The following CSF1 variants were observed in gnomAD, a reference collection of about 807,000 sequenced individuals.
The protein encoded by CSF1 is macrophage colony-stimulating factor 1.
A neutral mutation model predicts 48.9 loss-of-function variants in CSF1; 9 were observed. The observed-to-expected ratio is 0.18, with a 90% CI of 0.11 to 0.32. CSF1 has a LOEUF of 0.32. Among genes scored for constraint, CSF1 ranks in the 10% least tolerant of loss-of-function variants. The probability of loss-of-function intolerance (pLI) is 1.00; values close to 1 mark genes in which losing one functional copy is unlikely to be tolerated. For synonymous variants in CSF1, 305 were observed against 284.1 expected (o/e 1.07, Z -0.74); for missense variants, 672 against 697.9 (o/e 0.96, Z 0.42).
intron 3 of CSF1, among the ~76,000 whole-genome samples, chr1:109,917,036 C>T (rs1025638287): frequency 3.9e-5 from 6 of 152,124 alleles, no homozygotes; most frequent in Non-Finnish European, 7.4e-5. Flanking sequence ...TGATTAAAGC[C>T]TCATATTCCA....
chr1:109,914,144 G>A (rs939788303), intron 1 of CSF1, 115 bp from the exon 2 acceptor site: 7 of 1,160,224 alleles, frequency 6.0e-6, no homozygotes, highest in Non-Finnish European at 8.2e-6. Context: ...CTGAGGTAAG[G>A]GGCAGAGCCT....
rs1187588113 is a variant in CSF1, at chr1:109,923,723, C to A, written c.1102C>A (p.Pro368Thr). ...GGCAGATGTAACTGGTACCGCCTTG[C>A]CCAGGGTGGGCCCCGTGAGGCCCAC... ...QPADVTGTALPRVGPVRPTGQ... is the reference protein window; with the variant it reads ...QPADVTGTALTRVGPVRPTGQ... The change falls in exon 6 of 9, where the codon CCC becomes ACC. Residue 368 changes from proline to threonine, a missense_variant. Physicochemically the swap from Pro to Thr is conservative, Grantham distance 38. This residue lies in a region of CSF1 where 591 missense variants were observed against 593.6 expected (regional missense o/e 1.00). Coordinates refer to ENST00000329608, the MANE Select transcript of CSF1 (RefSeq NM_000757.6). 3.1e-6 allele frequency: 5 copies of A among 1,612,262 alleles called. No individual in the cohort carries two copies. Among genetic ancestry groups the A allele is most frequent in the Non-Finnish European group, 4.2e-6 (5 of 1,179,014 alleles).
At chr1:109,918,208 G>A (rs1553180921) in intron 4 of CSF1, among the ~76,000 whole-genome samples, 1 of 152,200 alleles carries the variant, frequency 6.6e-6, no homozygotes, top group Non-Finnish European at 1.5e-5. Context: ...TATGCACAAA[G>A]CCCTAAGGTA....
At chr1:109,920,705 T>TAAACATGA (rs1647492252) in intron 4 of CSF1, among the ~76,000 whole-genome samples, 1 of 152,188 alleles carries the variant, frequency 6.6e-6, no homozygotes, top group Non-Finnish European at 1.5e-5. Context: ...GAAAAGCCCA[T>TAAACATGA]GTTTCTTCCC....
intron 8 of CSF1, among the ~76,000 whole-genome samples, 199 bp downstream of exon 8, chr1:109,925,401 A>T (rs549229173): frequency 6.6e-6 from 1 of 151,428 alleles, no homozygotes; most frequent in South Asian, 2.1e-4. Context: ...CTGCCCCTCC[A>T]TTCCATCCAC....
intron 6 of CSF1, 83 bp from the exon 7 acceptor site, chr1:109,924,693 C>G (rs921479617): frequency 8.0e-7 from 1 of 1,244,992 alleles, no homozygotes. Context: ...TCATAAATAC[C>G]TGGGGCAGCC....
At position 109,923,887 on chromosome 1, in the gene CSF1, G is replaced by A; in HGVS notation, c.1266G>A (p.Gln422=). 6.2e-7 allele frequency: 1 copy of A among 1,614,100 alleles called. No homozygotes were observed. Among genetic ancestry groups the A allele is most frequent in the Non-Finnish European group, 8.5e-7 (1 of 1,179,934 alleles). ...GLSNPSTLSA[Q]PQLSRSHSSG... ...GCAACCCCTCCACCCTCTCTGCTCA[G>A]CCACAGCTTTCCAGAAGCCACTCCT... The change falls in exon 6 of 9, where the codon CAG becomes CAA. Residue 422 remains glutamine, a synonymous_variant. Transcript: ENST00000329608.
chr1:109,919,625 C>T (rs1257566178), intron 4 of CSF1, among the ~76,000 whole-genome samples: 2 of 152,078 alleles, frequency 1.3e-5, no homozygotes, highest in East Asian at 3.9e-4. Context: ...AATGCATATT[C>T]CTAGGACACA....
chr1:109,921,789 G>A, intron 4 of CSF1, 58 bp from the exon 5 acceptor site: 1 of 1,474,090 alleles, frequency 6.8e-7, no homozygotes, highest in South Asian at 1.5e-5. Context: ...TGACAAATAA[G>A]ATGGAGACAT....
rs1333392202 is a variant in CSF1, at chr1:109,910,945, G to A, written c.-79G>A. The A allele has an allele frequency of 2.8e-6, 3 of 1,071,444 alleles. No individual in the cohort carries two copies. Among genetic ancestry groups the A allele is most frequent in the Non-Finnish European group, 2.3e-6 (2 of 867,426 alleles). 66.4% of individuals were successfully genotyped at this position (1,071,444 alleles called of 1,614,324 possible). ...GACAGCGGTGCGGCCCTCGGCCGGG[G>A]CGCCCACTCCGCAGCAGCCAGCGAG... On this transcript the variant is annotated 5_prime_UTR_variant, in exon 1 of 9. Coordinates refer to ENST00000329608, the MANE Select transcript of CSF1 (RefSeq NM_000757.6).
rs1451189708 is a variant in CSF1, at chr1:109,921,837, C to A, written c.397-10C>A. Reference sequence around the variant, plus strand: ...CATGCTCACAAAAGGGGGCCCTGATCTCCTTCCAGGCCTGCGTCCGAACTT... The same window carrying A: ...CATGCTCACAAAAGGGGGCCCTGATATCCTTCCAGGCCTGCGTCCGAACTT... On this transcript the variant is annotated splice_polypyrimidine_tract_variant and intron_variant, in intron 4 of 8. Coordinates refer to ENST00000329608, the MANE Select transcript of CSF1 (RefSeq NM_000757.6). The A allele has an allele frequency of 1.3e-6, 2 of 1,551,586 alleles. No individual in the cohort carries two copies. Among genetic ancestry groups the A allele is most frequent in the Non-Finnish European group, 1.8e-6 (2 of 1,142,212 alleles).
chr1:109,919,421 G>T (rs1005180496), intron 4 of CSF1, among the ~76,000 whole-genome samples: 1 of 152,096 alleles, frequency 6.6e-6, no homozygotes, highest in Non-Finnish European at 1.5e-5. Context: ...TAGAGATAGG[G>T]TTTCGCAATG....
At chr1:109,915,385 G>C (rs760892331) in intron 2 of CSF1, among the ~76,000 whole-genome samples, 1 of 152,062 alleles carries the variant, frequency 6.6e-6, no homozygotes, top group Non-Finnish European at 1.5e-5. Context: ...AAAACAAATG[G>C]GCATTTGTCA....
Position 109,916,414 on chromosome 1 carries a change from G to A in CSF1, c.225+718G>A, listed in dbSNP as rs562507010. 2.6e-5 allele frequency among the ~76,000 whole-genome samples: 4 copies of A among 152,184 alleles called. No homozygotes were observed. The East Asian group carries it at 7.7e-4, about 29-fold the overall frequency. On this transcript the variant is annotated intron_variant, in intron 3 of 8. Coordinates refer to ENST00000329608, the MANE Select transcript of CSF1 (RefSeq NM_000757.6). ...AGGGCCCCCATCACTCCAGAAGAAAGCCAAGGTTGTCTAGTCTGGGTTACA... is the reference window on the plus strand; with the variant it reads ...AGGGCCCCCATCACTCCAGAAGAAAACCAAGGTTGTCTAGTCTGGGTTACA...
chr1:109,914,777 T>C (rs1654827669), intron 2 of CSF1, among the ~76,000 whole-genome samples: 1 of 152,230 alleles, frequency 6.6e-6, no homozygotes, highest in African/African-American at 2.4e-5. Flanking sequence ...GCTCCTGGAC[T>C]CTCATATGTG....
At chr1:109,925,774 CT>C (rs1306067877) in intron 8 of CSF1, among the ~76,000 whole-genome samples, 2 of 152,176 alleles carry the variant, frequency 1.3e-5, no homozygotes, top group African/African-American at 2.4e-5. Flanking sequence ...GGGACTGCCC[CT>C]CTCCATGTCC....
In CSF1 at chr1:109,914,268, G is replaced by A. The variant is rs769783123; in HGVS notation, c.49G>A (p.Gly17Ser). ...ACCCTCTCTGTCACAGACATGGCTG[G>A]GCTCCCTGCTGTTGTTGGTCTGTCT... ...AGRCPPTTWLGSLLLLVCLLA... is the reference protein window; with the variant it reads ...AGRCPPTTWLSSLLLLVCLLA... The change falls in exon 2 of 9, where the codon GGC (glycine) becomes AGC (serine). Residue 17 changes from glycine (G) to serine (S), a missense_variant. Transcript: ENST00000329608. 1.9e-6 allele frequency: 3 copies of A among 1,605,240 alleles called. No individual in the cohort carries two copies. In the Admixed American group the frequency reaches 5.1e-5, roughly 27 times the overall value.
intron 1 of CSF1, among the ~76,000 whole-genome samples, chr1:109,911,622 G>A (rs1312498121): frequency 1.3e-5 from 2 of 151,956 alleles, no homozygotes; most frequent in African/African-American, 4.8e-5. Context: ...AGCTACGGAG[G>A]ACTTGGGTGG....
intron 4 of CSF1, among the ~76,000 whole-genome samples, chr1:109,920,672 G>A (rs554613577): frequency 1.3e-5 from 2 of 152,268 alleles, no homozygotes; most frequent in East Asian, 3.9e-4. Context: ...ATGCGGCGAT[G>A]CCTTCAAGGA....
Sources: allele counts gnomAD v4.1 joint callset (sites outside exome capture counted in the v4.1 genomes callset), GRCh38; gene constraint gnomAD v4.1.1; regional missense constraint gnomAD v4.1.1; transcripts MANE v1.5; gene names NCBI Gene and HGNC (gene_info 2026-07-23, HGNC 2026-07-21).